The following EPB41L4A variants were observed in gnomAD, a reference collection of about 807,000 sequenced individuals.
EPB41L4A encodes band 4.1-like protein 4A.
In EPB41L4A, 100 loss-of-function variants were observed where a neutral mutation model predicts 108.6. The observed-to-expected ratio is 0.92, with a 90% CI of 0.78 to 1.09. EPB41L4A has a LOEUF of 1.09. Among genes scored for constraint, EPB41L4A ranks in the 50% least tolerant of loss-of-function variants. The pLI, the probability that EPB41L4A is intolerant of heterozygous loss-of-function variation, is 0.00. For missense variants in EPB41L4A, 1,030 were observed against 842.7 expected, an observed-to-expected ratio of 1.22 and a Z score of -2.75; for synonymous variants, 319 against 289.0, an observed-to-expected ratio of 1.10 and a Z score of -1.05.
chr5:112,397,194 TTTTCTG>T (rs1227421066), intron 1 of EPB41L4A, among the ~76,000 whole-genome samples: 1 of 152,200 alleles, frequency 6.6e-6, no homozygotes, highest in African/African-American at 2.4e-5. Context: ...AAGTATTTGG[TTTTCTG>T]TTTCTGAGTT....
At chr5:112,327,457 T>G (rs2150649859) in intron 1 of EPB41L4A, among the ~76,000 whole-genome samples, 1 of 152,316 alleles carries the variant, frequency 6.6e-6, no homozygotes, top group African/African-American at 2.4e-5. Flanking sequence ...GGCTCACACC[T>G]GTAATCCCAG....
intron 1 of EPB41L4A, among the ~76,000 whole-genome samples, chr5:112,325,602 A>T (rs1369753979): frequency 6.6e-6 from 1 of 152,220 alleles, no homozygotes; most frequent in Non-Finnish European, 1.5e-5. Flanking sequence ...ACTTGTTAAC[A>T]TCATGCTTTA....
intron 1 of EPB41L4A, among the ~76,000 whole-genome samples, chr5:112,352,540 C>G (rs1251103716): frequency 6.6e-6 from 1 of 152,164 alleles, no homozygotes; most frequent in Non-Finnish European, 1.5e-5. Flanking sequence ...ATATGTGAAG[C>G]CACAAAAGAA....
chr5:112,199,490 C>T (rs982705906), intron 15 of EPB41L4A, among the ~76,000 whole-genome samples: 1 of 152,158 alleles, frequency 6.6e-6, no homozygotes, highest in African/African-American at 2.4e-5. Flanking sequence ...TTTTTGCATT[C>T]TATCTATACT....
chr5:112,169,243 C>A, intron 20 of EPB41L4A, 138 bp from the exon 21 acceptor site: 3 of 646,430 alleles, frequency 4.6e-6, no homozygotes, highest in Non-Finnish European at 5.5e-6. Flanking sequence ...GGTTTGAAAG[C>A]CTGAGTGACT....
chr5:112,375,336 T>TAC (rs756227057), intron 1 of EPB41L4A, among the ~76,000 whole-genome samples: 6,919 of 134,210 alleles, frequency 0.052, 284 homozygotes, highest in East Asian at 0.14. Context: ...CACACACACA[T>TAC]ACACACACAC....
At chr5:112,214,883 A>G (rs1484912082) in intron 12 of EPB41L4A, among the ~76,000 whole-genome samples, 1 of 152,200 alleles carries the variant, frequency 6.6e-6, no homozygotes, top group African/African-American at 2.4e-5. Context: ...TTTCTGCCTA[A>G]AATATCTGGA....
chr5:112,209,360 T>G (rs1762619650), intron 13 of EPB41L4A, among the ~76,000 whole-genome samples: 1 of 152,234 alleles, frequency 6.6e-6, no homozygotes, highest in East Asian at 1.9e-4. Context: ...ATGTAATATA[T>G]TAAGAGAAGG....
intron 2 of EPB41L4A, among the ~76,000 whole-genome samples, chr5:112,281,588 A>T (rs2056585): frequency 0.38 from 58,089 of 152,000 alleles, 12,018 homozygotes; most frequent in African/African-American, 0.54. Flanking sequence ...CGTGCTCCTT[A>T]ATGAAGAAGG....
At chr5:112,301,522 T>C (rs1262239853) in intron 2 of EPB41L4A, among the ~76,000 whole-genome samples, 2 of 152,288 alleles carry the variant, frequency 1.3e-5, no homozygotes, top group South Asian at 2.1e-4. Context: ...CTCTCAGCCA[T>C]GGATACCAGC....
At chr5:112,213,100 C>A (rs1472432455) in intron 12 of EPB41L4A, among the ~76,000 whole-genome samples, 2 of 151,936 alleles carry the variant, frequency 1.3e-5, no homozygotes, top group African/African-American at 2.4e-5. Flanking sequence ...GATGGTTTTC[C>A]AAAAGAATTT....
intron 12 of EPB41L4A, among the ~76,000 whole-genome samples, chr5:112,153,074 C>A (rs1308367988): frequency 6.6e-6 from 1 of 151,790 alleles, no homozygotes; most frequent in Non-Finnish European, 1.5e-5. Context: ...CAAACATTAG[C>A]CTGGCATGGT....
At chr5:112,191,092 G>A (rs1324709335) in intron 17 of EPB41L4A, among the ~76,000 whole-genome samples, 1 of 152,164 alleles carries the variant, frequency 6.6e-6, no homozygotes, top group African/African-American at 2.4e-5. Context: ...TATAAAAAGA[G>A]AGTGAAAAAT....
At chr5:112,419,879 G>C (rs1346407876), upstream of EPB41L4A, 4 of 456,650 alleles carry the variant, frequency 8.8e-6, no homozygotes, top group Non-Finnish European at 1.8e-5. Context: ...AATGCCTGCC[G>C]CGGCGGCGGA....
intron 17 of EPB41L4A, among the ~76,000 whole-genome samples, chr5:112,189,523 G>C (rs971238927): frequency 2.6e-5 from 4 of 152,138 alleles, no homozygotes; most frequent in Non-Finnish European, 5.9e-5. Context: ...CATGACTCAT[G>C]TTTATGATGC....
chr5:112,183,668 T>C (rs1431740175), intron 18 of EPB41L4A, among the ~76,000 whole-genome samples: 6 of 152,216 alleles, frequency 3.9e-5, no homozygotes, highest in African/African-American at 9.6e-5. Flanking sequence ...CTTCAGAGAA[T>C]TGTGCAGACT....
chr5:112,379,678 A>C (rs1456259479), intron 1 of EPB41L4A, among the ~76,000 whole-genome samples: 1 of 152,202 alleles, frequency 6.6e-6, no homozygotes, highest in Admixed American at 6.5e-5. Flanking sequence ...ACCAACACTT[A>C]ACATAAAACC....
chr5:112,254,844 C>T (rs1391521437), intron 9 of EPB41L4A, among the ~76,000 whole-genome samples: 2 of 151,980 alleles, frequency 1.3e-5, no homozygotes, highest in Admixed American at 1.3e-4. Context: ...TTGTGCCCTC[C>T]GGAATTCATG....
At chr5:112,183,822 T>G (rs1361047712) in intron 18 of EPB41L4A, among the ~76,000 whole-genome samples, 194 bp downstream of exon 18, 2 of 152,194 alleles carry the variant, frequency 1.3e-5, no homozygotes, top group Admixed American at 6.5e-5. Context: ...TTTCATGACA[T>G]TTTGTTTTGA....
Sources: allele counts gnomAD v4.1 joint callset (sites outside exome capture counted in the v4.1 genomes callset), GRCh38; gene constraint gnomAD v4.1.1; transcripts MANE v1.5; gene names NCBI Gene and HGNC (gene_info 2026-07-23, HGNC 2026-07-21).